Variants in LRRK2 observed in about 807,000 individuals in gnomAD.
The protein encoded by LRRK2 is leucine rich repeat kinase 2, also known as leucine-rich repeat serine/threonine-protein kinase 2.
In LRRK2, 203 loss-of-function variants were observed where a neutral mutation model predicts 302.6. The observed-to-expected ratio is 0.67, with a 90% CI of 0.60 to 0.75. The LOEUF (loss-of-function observed/expected upper bound fraction) is 0.75, where lower values mean the gene tolerates loss of function less well. Among genes scored for constraint, LRRK2 ranks in the 30% least tolerant of loss-of-function variants. LRRK2 has a pLI of 0.00. For missense variants in LRRK2, 2,830 were observed against 2,951.0 expected, an observed-to-expected ratio of 0.96 and a Z score of 0.95; for synonymous variants, 1,066 against 1,031.9, an observed-to-expected ratio of 1.03 and a Z score of -0.63.
At chr12:40,279,307 ATTAAG>A (rs150574014) in intron 18 of LRRK2, among the ~76,000 whole-genome samples, 4,990 of 151,360 alleles carry the variant, frequency 0.033, 233 homozygotes, top group South Asian at 0.12. Flanking sequence ...GACTGTTAAG[ATTAAG>A]TTAATACTAA....
At chr12:40,238,219 G>T (rs1347471538) in intron 5 of LRRK2, 116 bp downstream of exon 5, 1 of 1,057,212 alleles carries the variant, frequency 9.5e-7, no homozygotes, top group Non-Finnish European at 1.4e-6. Flanking sequence ...TATTTATTAA[G>T]AAGTGGGAGT....
intron 20 of LRRK2, 124 bp downstream of exon 20, chr12:40,287,663 T>C (rs1943981983): frequency 2.2e-6 from 2 of 926,024 alleles, no homozygotes; most frequent in Non-Finnish European, 3.3e-6. Context: ...GTGTTTATTA[T>C]CGCAAACAGT....
chr12:40,335,536 ATGTTGGATTC>A (rs1428574770), intron 40 of LRRK2, among the ~76,000 whole-genome samples: 2 of 152,136 alleles, frequency 1.3e-5, no homozygotes, highest in Non-Finnish European at 2.9e-5. Context: ...AGAGTGATTC[ATGTTGGATTC>A]TTCGGCATGA....
chr12:40,260,466 A>G (rs1375504954), intron 13 of LRRK2, among the ~76,000 whole-genome samples: 3 of 151,500 alleles, frequency 2.0e-5, no homozygotes, highest in Non-Finnish European at 4.4e-5. Context: ...AAGAAAGTGC[A>G]CATGGTCGGG....
chr12:40,279,983 C>G (rs1178549345), intron 18 of LRRK2, among the ~76,000 whole-genome samples: 1 of 152,136 alleles, frequency 6.6e-6, no homozygotes, highest in African/African-American at 2.4e-5. Flanking sequence ...GAAGGACTAT[C>G]TAGAGCAAGG....
chr12:40,357,088 A>G (rs769262763), intron 46 of LRRK2, among the ~76,000 whole-genome samples: 11 of 152,038 alleles, frequency 7.2e-5, no homozygotes, highest in Admixed American at 2.6e-4. Flanking sequence ...CCCTTCTCCC[A>G]CACACCCATA....
chr12:40,319,886 C>A, intron 33 of LRRK2, 102 bp from the exon 34 acceptor site: 1 of 1,162,832 alleles, frequency 8.6e-7, no homozygotes, highest in Non-Finnish European at 1.2e-6. Context: ...ACACTAAAAT[C>A]TTTCTGACTA....
At chr12:40,319,645 G>C (rs1945336902) in intron 33 of LRRK2, among the ~76,000 whole-genome samples, 1 of 151,976 alleles carries the variant, frequency 6.6e-6, no homozygotes, top group African/African-American at 2.4e-5. Context: ...TAATTTTCCT[G>C]GGAATATATT....
chr12:40,325,461 G>A (rs1056562474), intron 38 of LRRK2, among the ~76,000 whole-genome samples: 2 of 152,124 alleles, frequency 1.3e-5, no homozygotes, highest in Non-Finnish European at 2.9e-5. Context: ...ATTTTGGCTT[G>A]GATAACTAAC....
intron 18 of LRRK2, 21 bp from the exon 19 acceptor site, chr12:40,283,854 T>C: frequency 6.3e-7 from 1 of 1,598,836 alleles, no homozygotes; most frequent in Non-Finnish European, 8.5e-7. Context: ...TTTAATATAC[T>C]TAATTTTTTT....
chr12:40,367,390 T>G, intron 50 of LRRK2: 1 of 403,818 alleles, frequency 2.5e-6, no homozygotes, highest in South Asian at 4.7e-5. Context: ...AAAAAGCTTT[T>G]ATTTCTTTTA....
At chr12:40,257,454 T>C (rs1390248370) in intron 12 of LRRK2, 77 bp downstream of exon 12, 4 of 1,528,792 alleles carry the variant, frequency 2.6e-6, no homozygotes, top group Non-Finnish European at 3.6e-6. Flanking sequence ...AGCATATTTC[T>C]AACAATGAAA....
chr12:40,286,996 C>T (rs892510796), intron 19 of LRRK2, among the ~76,000 whole-genome samples: 1 of 151,796 alleles, frequency 6.6e-6, no homozygotes, highest in African/African-American at 2.4e-5. Flanking sequence ...CTTCATTTTC[C>T]AGGTGAGGAC....
chr12:40,225,041 C>T lies in LRRK2; in HGVS notation c.-91C>T, dbSNP rs957511525. 6 of 1,547,126 alleles carry T rather than the reference C, an allele frequency of 3.9e-6. No homozygotes were observed. The highest frequency in any genetic ancestry group is 5.3e-6 in the Non-Finnish European group (6 of 1,133,162). On this transcript the variant is annotated 5_prime_UTR_variant, in exon 1 of 51. Transcript: ENST00000298910. ...GGCTGCGGGCGGTGAGCTGAGCTCG[C>T]CCCCGGGGAGCTGTGGCCGGCGCCC...
At chr12:40,231,661 A>C (rs1035302422) in intron 2 of LRRK2, among the ~76,000 whole-genome samples, 5 of 148,334 alleles carry the variant, frequency 3.4e-5, no homozygotes, top group Non-Finnish European at 5.9e-5. Context: ...TACAACCTCT[A>C]AAACTATTTT....
At chr12:40,247,585 CAG>C (rs1428589871) in intron 7 of LRRK2, among the ~76,000 whole-genome samples, 2 of 97,760 alleles carry the variant, frequency 2.0e-5, no homozygotes, top group Non-Finnish European at 5.2e-5. Flanking sequence ...TATTTATACA[CAG>C]ATGTATATAA....
intron 6 of LRRK2, among the ~76,000 whole-genome samples, 170 bp from the exon 7 acceptor site, chr12:40,243,380 A>G (rs1452944875): frequency 6.6e-6 from 1 of 152,158 alleles, no homozygotes; most frequent in African/African-American, 2.4e-5. Flanking sequence ...TTATGTTATT[A>G]ATGAACAGCA....
chr12:40,272,348 G>A (rs368935028), intron 14 of LRRK2, among the ~76,000 whole-genome samples: 1 of 152,236 alleles, frequency 6.6e-6, no homozygotes, highest in Middle Eastern at 3.4e-3. Flanking sequence ...AAAGAAATTT[G>A]GGCTTAGAAC....
intron 4 of LRRK2, 81 bp downstream of exon 4, chr12:40,235,795 T>TG (rs1365623646): frequency 7.1e-5 from 32 of 452,102 alleles, no homozygotes; most frequent in Non-Finnish European, 1.1e-4. Flanking sequence ...GTGTGTGTGT[T>TG]TTTTTTTTTT....
Sources: gnomAD v4.1 joint callset for allele counts (sites outside exome capture counted in the v4.1 genomes callset) on GRCh38, gnomAD v4.1.1 for gene constraint, MANE v1.5 for transcripts, NCBI Gene and HGNC (gene_info 2026-07-23, HGNC 2026-07-21) for gene names.